KSR2: variants seen among roughly 807,000 people sequenced by gnomAD.
The protein encoded by KSR2 is kinase suppressor of ras 2.
KSR2 carries 25 observed loss-of-function variants against 107.8 expected under a neutral mutation model. The observed-to-expected ratio is 0.23, with a 90% CI of 0.17 to 0.32. The LOEUF is 0.32. Among genes scored for constraint, KSR2 ranks in the 10% least tolerant of loss-of-function variants. The pLI is 1.00. For missense variants in KSR2, 887 were observed against 1,268.9 expected, an observed-to-expected ratio of 0.70 and a Z score of 4.57; for synonymous variants, 480 against 507.0, an observed-to-expected ratio of 0.95 and a Z score of 0.71.
At position 117,968,236 on chromosome 12, in the gene KSR2, G is replaced by A. The variant is rs778158211; in HGVS notation, c.20C>T (p.Thr7Met). 4 of 1,409,538 alleles carry A rather than the reference G, an allele frequency of 2.8e-6. No individual in the cohort carries two copies. The highest frequency in any genetic ancestry group is 4.0e-5 in the Admixed American group (2 of 50,216). The allele number at this position is 1,409,538 out of a possible 1,614,324, so 87.3% of individuals were successfully genotyped here. A position where few individuals can be genotyped will look rare whatever the true frequency, so the allele number is the denominator to read the frequency against. Residue 7 changes from threonine (T) to methionine (M), a missense_variant, in exon 1 of 20, where the codon ACG becomes ATG. This residue lies in a region of KSR2 where 32 missense variants were observed against 25.9 expected (regional missense o/e 1.23). Transcript: ENST00000339824. MDEENM[T>M]KSEEQQPLSL... ...CAGAGGCTGCTGCTCCTCGCTTTTC[G>A]TCATGTTTTCCTCATCCATCGCTTG... is the stretch of plus-strand genomic sequence containing the variant.
chr12:117,551,256 C>T (rs1877287810), intron 9 of KSR2, among the ~76,000 whole-genome samples: 1 of 152,078 alleles, frequency 6.6e-6, no homozygotes, highest in Non-Finnish European at 1.5e-5. Flanking sequence ...CCTTCTTTCT[C>T]CTTCTCTTCC....
intron 7 of KSR2, among the ~76,000 whole-genome samples, chr12:117,578,916 T>C (rs1879463017): frequency 6.6e-6 from 1 of 152,202 alleles, no homozygotes; most frequent in Non-Finnish European, 1.5e-5. Flanking sequence ...GATCTTCCAT[T>C]AGCTCTGGTT....
chr12:117,937,013 T>A (rs1895867939), intron 1 of KSR2, among the ~76,000 whole-genome samples: 1 of 152,188 alleles, frequency 6.6e-6, no homozygotes, highest in Non-Finnish European at 1.5e-5. Flanking sequence ...GTATCTGGGC[T>A]CAGCCCACCC....
chr12:117,777,134 C>CTA (rs35353845), intron 3 of KSR2, among the ~76,000 whole-genome samples: 48,106 of 135,938 alleles, frequency 0.35, 8,560 homozygotes, highest in East Asian at 0.47. Context: ...TATATATACA[C>CTA]TATATTATAT....
At chr12:117,959,607 C>G (rs757557877) in intron 1 of KSR2, among the ~76,000 whole-genome samples, 2 of 151,994 alleles carry the variant, frequency 1.3e-5, no homozygotes, top group Admixed American at 6.6e-5. Context: ...AAATATAACC[C>G]CTGGTTCAAA....
At chr12:117,682,603 G>A (rs551713853) in intron 4 of KSR2, among the ~76,000 whole-genome samples, 4 of 152,062 alleles carry the variant, frequency 2.6e-5, no homozygotes, top group African/African-American at 9.6e-5. Context: ...TATTTTTAGT[G>A]AGACGGGGTT....
chr12:117,821,987 T>G (rs1397452714), intron 3 of KSR2, among the ~76,000 whole-genome samples: 1 of 152,172 alleles, frequency 6.6e-6, no homozygotes, highest in African/African-American at 2.4e-5. Context: ...AAGATCTTCC[T>G]GATAAAACAG....
intron 14 of KSR2, among the ~76,000 whole-genome samples, 179 bp downstream of exon 14, chr12:117,524,673 A>C (rs944812940): frequency 1.6e-4 from 25 of 152,360 alleles, no homozygotes; most frequent in Admixed American, 1.4e-3. Flanking sequence ...TCTCTAAAAA[A>C]ACAAATAAGT....
At chr12:117,539,636 G>T in intron 10 of KSR2, 83 bp downstream of exon 10, 1 of 1,323,972 alleles carries the variant, frequency 7.6e-7, no homozygotes, top group Non-Finnish European at 1.0e-6. Context: ...TGCTGCATCA[G>T]GGCTCTGGCA....
chr12:117,468,381 C>T lies in KSR2; in HGVS notation c.2847-1176G>A, dbSNP rs144037547. Among the ~76,000 whole-genome samples, 36 of 152,310 alleles carry T rather than the reference C, an allele frequency of 2.4e-4. No individual in the cohort carries two copies. The East Asian group carries it at 3.9e-3, about 16-fold the overall frequency. On this transcript the variant is annotated intron_variant, in intron 19 of 19. Transcript: ENST00000339824. ...TGTGCCCCAGGCCACACAGCTATTA[C>T]GTAGTGGAGTGGCAATTTCAATCTA... is the stretch of plus-strand genomic sequence containing the variant.
At chr12:117,930,569 T>C (rs1306140763) in intron 1 of KSR2, among the ~76,000 whole-genome samples, 1 of 152,132 alleles carries the variant, frequency 6.6e-6, no homozygotes, top group East Asian at 1.9e-4. Flanking sequence ...CTCCACTGAG[T>C]GCCCAGCATA....
intron 3 of KSR2, among the ~76,000 whole-genome samples, chr12:117,775,373 A>G (rs1039196771): frequency 2.0e-5 from 3 of 152,238 alleles, no homozygotes; most frequent in Non-Finnish European, 4.4e-5. Flanking sequence ...GTGGGTGTTT[A>G]ATAAAACATT....
chr12:117,551,612 C>T (rs1021018567), intron 9 of KSR2, among the ~76,000 whole-genome samples: 4 of 151,964 alleles, frequency 2.6e-5, no homozygotes, highest in African/African-American at 9.7e-5. Flanking sequence ...CTTTGTGAAC[C>T]TGGATTGACT....
intron 4 of KSR2, among the ~76,000 whole-genome samples, chr12:117,697,982 A>T (rs1469772960): frequency 6.6e-6 from 1 of 152,128 alleles, no homozygotes; most frequent in Non-Finnish European, 1.5e-5. Flanking sequence ...ACACGCACAG[A>T]GAGAACACCA....
At chr12:117,535,912 C>T (rs150579736) in intron 10 of KSR2, among the ~76,000 whole-genome samples, 2 of 152,160 alleles carry the variant, frequency 1.3e-5, no homozygotes, top group Non-Finnish European at 2.9e-5. Flanking sequence ...TGGGATCCAA[C>T]TCCAGGTCTG....
At position 117,471,360 on chromosome 12, in the gene KSR2, G is replaced by C. The variant is rs942497134; in HGVS notation, c.2583-40C>G. 3.1e-6 allele frequency: 5 copies of C among 1,597,792 alleles called. No individual in the cohort carries two copies. The Admixed American group carries it at 5.1e-5, about 16-fold the overall frequency. On this transcript the variant is annotated intron_variant, in intron 17 of 19. Coordinates refer to ENST00000339824, the MANE Select transcript of KSR2 (RefSeq NM_173598.6). ...TGTTAAAGGGGTGTTGGTGTGGTGTGTCACTTGCAACCTTGTACCTCCATT... is the reference window on the plus strand; with the variant it reads ...TGTTAAAGGGGTGTTGGTGTGGTGTCTCACTTGCAACCTTGTACCTCCATT...
intron 4 of KSR2, among the ~76,000 whole-genome samples, chr12:117,696,158 A>G (rs1314721489): frequency 6.6e-6 from 1 of 152,120 alleles, no homozygotes; most frequent in Admixed American, 6.6e-5. Context: ...GGAACCATAA[A>G]ACTCCGGCCC....
At chr12:117,699,694 G>C (rs56336826) in intron 4 of KSR2, among the ~76,000 whole-genome samples, 14,813 of 152,204 alleles carry the variant, frequency 0.097, 974 homozygotes, top group East Asian at 0.27. Flanking sequence ...CTCTGGGTGA[G>C]TCAGTGAGTA....
intron 1 of KSR2, among the ~76,000 whole-genome samples, chr12:117,868,226 G>C (rs775775479): frequency 6.6e-6 from 1 of 152,052 alleles, no homozygotes; most frequent in South Asian, 2.1e-4. Context: ...TCAGGAGTTC[G>C]AGACTATTCT....
Sources: allele counts gnomAD v4.1 joint callset (sites outside exome capture counted in the v4.1 genomes callset), GRCh38; gene constraint gnomAD v4.1.1; regional missense constraint gnomAD v4.1.1; transcripts MANE v1.5; gene names NCBI Gene and HGNC (gene_info 2026-07-23, HGNC 2026-07-21).